The following ATG7 variants were observed in gnomAD, a reference collection of about 807,000 sequenced individuals.
ATG7 encodes the protein ubiquitin-like modifier-activating enzyme ATG7.
ATG7 carries 70 observed loss-of-function variants against 82.4 expected under a neutral mutation model. That is an observed-to-expected ratio of 0.85 (90% CI 0.70 to 1.04). The LOEUF (loss-of-function observed/expected upper bound fraction) is 1.04, where lower values mean the gene tolerates loss of function less well. Among genes scored for constraint, ATG7 ranks in the 50% least tolerant of loss-of-function variants. The pLI is 0.00. For missense variants in ATG7, 792 were observed against 864.3 expected (o/e 0.92, Z 1.05); for synonymous variants, 287 against 313.0 (o/e 0.92, Z 0.88).
chr3:11,333,111 G>C lies in ATG7; in HGVS notation c.889+18G>C, dbSNP rs1222256653. The C allele has an allele frequency of 6.5e-7, 1 of 1,542,408 alleles. No individual in the cohort carries two copies. The highest frequency in any genetic ancestry group is 8.7e-7 in the Non-Finnish European group (1 of 1,148,998). On this transcript the variant is annotated intron_variant, in intron 11 of 20. Transcript: ENST00000693202. ...TAGCCCAGGTAATTTGCCGGTCTTT[G>C]AAAATGCATATAATTATCATTTATC...
the ATG7 span, chr3:11,568,752 G>A: frequency 2.1e-5 from 32 of 1,515,546 alleles, 1 homozygote; most frequent in Middle Eastern, 2.4e-4. The surrounding 1 kb of genome is among the most constrained non-coding windows in gnomAD (Gnocchi z 5.9). Context: ...CATCCTGCCC[G>A]GGAGATGGAA....
intron 19 of ATG7, among the ~76,000 whole-genome samples, chr3:11,416,443 G>A (rs2081380880): frequency 6.6e-6 from 1 of 152,024 alleles, no homozygotes; most frequent in African/African-American, 2.4e-5. Context: ...GGTGGATTCT[G>A]TCTTTAAATA....
chr3:11,567,553 A>G, the ATG7 span, among the ~76,000 whole-genome samples: 8 of 152,232 alleles, frequency 5.3e-5, no homozygotes, highest in Admixed American at 5.2e-4. Flanking sequence ...ACGTTAAAAT[A>G]CTAAAAACCT....
intron 20 of ATG7, among the ~76,000 whole-genome samples, chr3:11,506,781 A>G (rs762433582): frequency 6.6e-6 from 1 of 151,942 alleles, no homozygotes; most frequent in African/African-American, 2.4e-5. Context: ...ATCATCACAG[A>G]AAGTTTAGTT....
intron 19 of ATG7, among the ~76,000 whole-genome samples, chr3:11,404,872 C>A: frequency 6.6e-6 from 1 of 152,080 alleles, no homozygotes; most frequent in Admixed American, 6.6e-5. Flanking sequence ...GACCCGCCCC[C>A]ATGATTCAGT....
chr3:11,297,146 A>G (rs981389878), intron 3 of ATG7, among the ~76,000 whole-genome samples: 7 of 152,140 alleles, frequency 4.6e-5, no homozygotes, highest in African/African-American at 1.4e-4. Context: ...TCACAAATCC[A>G]AGAGCTCGAG....
chr3:11,305,714 T>C (rs892079908), intron 5 of ATG7, among the ~76,000 whole-genome samples: 2 of 152,218 alleles, frequency 1.3e-5, no homozygotes, highest in African/African-American at 4.8e-5. Flanking sequence ...AAGAGAAGGT[T>C]CTGGCCATTG....
intron 20 of ATG7, among the ~76,000 whole-genome samples, chr3:11,463,936 A>G (rs2086584613): frequency 6.6e-6 from 1 of 152,240 alleles, no homozygotes; most frequent in African/African-American, 2.4e-5. Context: ...AGTTTCCATA[A>G]GAAGGTGGTG....
chr3:11,467,516 T>C (rs1408307549), intron 20 of ATG7, among the ~76,000 whole-genome samples: 1 of 152,172 alleles, frequency 6.6e-6, no homozygotes, highest in African/African-American at 2.4e-5. Flanking sequence ...AGCTGGATTA[T>C]AGGCATCCAC....
At chr3:11,324,666 A>G (rs931480562) in intron 9 of ATG7, among the ~76,000 whole-genome samples, 1 of 151,794 alleles carries the variant, frequency 6.6e-6, no homozygotes, top group Non-Finnish European at 1.5e-5. Context: ...TCACTATTCT[A>G]CCCCATTGCC....
intron 3 of ATG7, among the ~76,000 whole-genome samples, chr3:11,293,918 T>TG (rs1458190574): frequency 6.7e-6 from 1 of 149,170 alleles, no homozygotes; most frequent in Non-Finnish European, 1.5e-5. Context: ...CTTGGGAGGC[T>TG]GAGGCAGGAG....
chr3:11,443,327 G>T (rs554167553), intron 20 of ATG7, among the ~76,000 whole-genome samples: 2 of 152,326 alleles, frequency 1.3e-5, no homozygotes, highest in South Asian at 4.1e-4. Flanking sequence ...TACTAAGGCT[G>T]AGGGGCAAAG....
the ATG7 span, among the ~76,000 whole-genome samples, chr3:11,573,299 GA>G: frequency 4.4e-3 from 74 of 16,974 alleles, 6 homozygotes; most frequent in East Asian, 9.1e-3. Context: ...AAGAAAGAAA[GA>G]AAGAAAGGAA....
At position 11,398,003 on chromosome 3, in the gene ATG7, GA is replaced by G. The variant is rs2079467029; in HGVS notation, c.1956+17953del. 2.6e-5 allele frequency among the ~76,000 whole-genome samples: 4 copies of G among 151,252 alleles called. No individual in the cohort carries two copies. In the South Asian group the frequency reaches 8.4e-4, roughly 32 times the overall value. ...GGAGGCTAAGGCAGGAGAATTGCTG[GA>G]ACCTGGGAGGTGGTGGTTGAAGTGA... On this transcript the variant is annotated intron_variant, in intron 19 of 20. Transcript: ENST00000693202.
intron 19 of ATG7, among the ~76,000 whole-genome samples, chr3:11,404,373 T>C (rs1239894320): frequency 6.6e-6 from 1 of 151,982 alleles, no homozygotes; most frequent in African/African-American, 2.4e-5. Context: ...TGACTTCAAG[T>C]GATCTGCCCT....
chr3:11,461,411 T>A (rs1292486603), intron 20 of ATG7, among the ~76,000 whole-genome samples: 1 of 152,192 alleles, frequency 6.6e-6, no homozygotes, highest in African/African-American at 2.4e-5. Context: ...TGCTTAGAAT[T>A]TCCACGGCGT....
chr3:11,349,430 T>C (rs887491231), intron 14 of ATG7, among the ~76,000 whole-genome samples: 7 of 152,102 alleles, frequency 4.6e-5, no homozygotes, highest in Admixed American at 1.3e-4. Context: ...CCAGCTACAC[T>C]AGTGGCTGAA....
At chr3:11,573,279 GAAA>G in the ATG7 span, among the ~76,000 whole-genome samples, 8 of 15,484 alleles carry the variant, frequency 5.2e-4, no homozygotes, top group East Asian at 5.4e-3. Context: ...AAGAAAGAAA[GAAA>G]GAAAGAAAGA....
chr3:11,411,619 CAAAAAAAAA>C lies in ATG7; in HGVS notation c.1957-15164_1957-15156del, dbSNP rs71055868. ...TGGTGACACAGCAAGACTCTGTCTC[CAAAAAAAAA>C]AAAAAAAAAAAAAAAAAAAATTCTT... is the stretch of plus-strand genomic sequence containing the variant. On this transcript the variant is annotated intron_variant, in intron 19 of 20. Transcript: ENST00000693202. Among the ~76,000 whole-genome samples the C allele has an allele frequency of 8.6e-4, 62 of 71,754 alleles. 1 individual carries two copies. The highest frequency in any genetic ancestry group is 2.3e-3 in the African/African-American group (51 of 21,786). The allele number at this position is 71,754 out of a possible 152,430, so 47.1% of individuals were successfully genotyped here.
Sources: allele counts gnomAD v4.1 joint callset (sites outside exome capture counted in the v4.1 genomes callset), GRCh38; gene constraint gnomAD v4.1.1; non-coding constraint Gnocchi (gnomAD v3.1); transcripts MANE v1.5; gene names NCBI Gene and HGNC (gene_info 2026-07-23, HGNC 2026-07-21).